CNTNAP2: variants seen among roughly 807,000 people sequenced by gnomAD.
The protein encoded by CNTNAP2 is contactin-associated protein-like 2.
In CNTNAP2, 98 loss-of-function variants were observed where a neutral mutation model predicts 155.2. That is an observed-to-expected ratio of 0.63 (90% CI 0.54 to 0.75). The LOEUF is 0.75. Among genes scored for constraint, CNTNAP2 ranks in the 30% least tolerant of loss-of-function variants. CNTNAP2 has a pLI of 0.00. For synonymous variants in CNTNAP2, 651 were observed against 631.2 expected, an observed-to-expected ratio of 1.03 and a Z score of -0.47; for missense variants, 1,727 against 1,688.1, an observed-to-expected ratio of 1.02 and a Z score of -0.40.
intron 5 of CNTNAP2, among the ~76,000 whole-genome samples, chr7:147,113,223 A>G (rs545216863): frequency 3.6e-4 from 55 of 152,100 alleles, no homozygotes; most frequent in Non-Finnish European, 6.2e-4. Flanking sequence ...TATAAAAATA[A>G]TAGAGAAATA....
intron 11 of CNTNAP2, among the ~76,000 whole-genome samples, chr7:147,492,275 C>T (rs975997989): frequency 1.3e-5 from 2 of 152,166 alleles, no homozygotes; most frequent in African/African-American, 4.8e-5. Context: ...GAATCTATTG[C>T]TGCCGCTGAT....
intron 3 of CNTNAP2, among the ~76,000 whole-genome samples, chr7:146,976,185 C>T (rs760615843): frequency 1.3e-5 from 2 of 152,198 alleles, no homozygotes; most frequent in Non-Finnish European, 2.9e-5. Context: ...AAACTGTTTT[C>T]CTGCTTCTCT....
intron 1 of CNTNAP2, among the ~76,000 whole-genome samples, chr7:146,474,880 G>T (rs747525603): frequency 3.3e-5 from 5 of 152,094 alleles, no homozygotes; most frequent in Non-Finnish European, 5.9e-5. Flanking sequence ...TAACCAGAGG[G>T]CCAGGTTTAA....
chr7:148,323,294 CTTTTTTTT>C (rs60109355), intron 21 of CNTNAP2, among the ~76,000 whole-genome samples: 4 of 49,466 alleles, frequency 8.1e-5, no homozygotes, highest in African/African-American at 3.5e-4. Flanking sequence ...TTATGGATTT[CTTTTTTTT>C]TTTTTTTTTT....
At chr7:147,016,898 C>A (rs962745789) in intron 3 of CNTNAP2, among the ~76,000 whole-genome samples, 2 of 151,816 alleles carry the variant, frequency 1.3e-5, no homozygotes, top group African/African-American at 4.8e-5. Flanking sequence ...TGTGATTCCA[C>A]AGAGAAAAAT....
At chr7:147,180,779 A>C (rs1471274489) in intron 8 of CNTNAP2, among the ~76,000 whole-genome samples, 1 of 152,210 alleles carries the variant, frequency 6.6e-6, no homozygotes, top group African/African-American at 2.4e-5. Flanking sequence ...GTACTGATTG[A>C]AATGACAATC....
At chr7:146,138,530 G>A (rs1049512168) in intron 1 of CNTNAP2, among the ~76,000 whole-genome samples, 3 of 152,108 alleles carry the variant, frequency 2.0e-5, no homozygotes, top group African/African-American at 7.2e-5. Context: ...TCATTCACAA[G>A]TATTAGGGAC....
At chr7:146,731,757 A>G (rs987554354) in intron 1 of CNTNAP2, among the ~76,000 whole-genome samples, 5 of 152,188 alleles carry the variant, frequency 3.3e-5, no homozygotes, top group Admixed American at 3.3e-4. Flanking sequence ...TCTTTAACAC[A>G]TTCCAAAATT....
At chr7:148,387,005 A>C (rs1295974404) in intron 22 of CNTNAP2, among the ~76,000 whole-genome samples, 1 of 152,194 alleles carries the variant, frequency 6.6e-6, no homozygotes, top group African/African-American at 2.4e-5. Context: ...TCTGTATCTC[A>C]TTCATGGCCA....
chr7:148,203,738 CA>C lies in CNTNAP2; in HGVS notation c.3011-13542del, dbSNP rs143283384. 3.3e-5 allele frequency among the ~76,000 whole-genome samples: 5 copies of C among 149,954 alleles called. No homozygotes were observed. The East Asian group carries it at 9.8e-4, about 29-fold the overall frequency. ...TGGGTGGCCCAGCGAGAGTACATCT[CA>C]AAAAAAAGAAAAAGAAAGAAAAGAA... On this transcript the variant is annotated intron_variant, in intron 18 of 23. Coordinates refer to ENST00000361727, the MANE Select transcript of CNTNAP2 (RefSeq NM_014141.6).
intron 8 of CNTNAP2, among the ~76,000 whole-genome samples, chr7:147,261,440 C>T (rs570302997): frequency 2.0e-5 from 3 of 152,172 alleles, no homozygotes; most frequent in African/African-American, 7.2e-5. Flanking sequence ...TGTTGCATTT[C>T]TAAATAGCTC....
At chr7:147,555,486 A>G (rs1799935737) in intron 11 of CNTNAP2, among the ~76,000 whole-genome samples, 1 of 152,234 alleles carries the variant, frequency 6.6e-6, no homozygotes, top group African/African-American at 2.4e-5. Flanking sequence ...GAGGGCATTC[A>G]TAAGCGATTG....
intron 14 of CNTNAP2, among the ~76,000 whole-genome samples, chr7:147,962,428 AACTATTTCCTGTT>A (rs1801132224): frequency 6.6e-6 from 1 of 152,164 alleles, no homozygotes; most frequent in African/African-American, 2.4e-5. Context: ...CCCTGTCTTG[AACTATTTCCTGTT>A]ATAGATGGAA....
intron 2 of CNTNAP2, among the ~76,000 whole-genome samples, chr7:146,832,672 T>A (rs1199016312): frequency 6.7e-6 from 1 of 149,206 alleles, no homozygotes; most frequent in Non-Finnish European, 1.5e-5. Flanking sequence ...AATATGTACG[T>A]GTGTGTGTAT....
intron 3 of CNTNAP2, among the ~76,000 whole-genome samples, chr7:147,028,645 A>C (rs1340894152): frequency 6.6e-6 from 1 of 152,210 alleles, no homozygotes; most frequent in Non-Finnish European, 1.5e-5. Context: ...ACACTTTATT[A>C]ATCCGTTTGT....
chr7:148,052,817 T>C (rs1003194601), intron 15 of CNTNAP2, among the ~76,000 whole-genome samples: 2 of 152,190 alleles, frequency 1.3e-5, no homozygotes, highest in East Asian at 3.8e-4. Flanking sequence ...GAGGCCAAGG[T>C]GAGCGGATTA....
chr7:146,903,430 T>C (rs1796047566), intron 3 of CNTNAP2, among the ~76,000 whole-genome samples: 1 of 152,192 alleles, frequency 6.6e-6, no homozygotes, highest in African/African-American at 2.4e-5. Flanking sequence ...ACTTAATATG[T>C]TAAAAACCAA....
intron 14 of CNTNAP2, among the ~76,000 whole-genome samples, chr7:147,964,521 A>G (rs779605128): frequency 6.6e-6 from 1 of 152,158 alleles, no homozygotes; most frequent in Non-Finnish European, 1.5e-5. Context: ...CTGGATCCTC[A>G]CAGGAGAAAA....
chr7:147,834,078 T>G (rs1212328153), intron 13 of CNTNAP2, among the ~76,000 whole-genome samples: 2 of 152,202 alleles, frequency 1.3e-5, no homozygotes, highest in Non-Finnish European at 2.9e-5. Context: ...CAATATAATC[T>G]ATAAATCAAG....
Sources: allele counts gnomAD v4.1 joint callset (sites outside exome capture counted in the v4.1 genomes callset), GRCh38; gene constraint gnomAD v4.1.1; transcripts MANE v1.5; gene names NCBI Gene and HGNC (gene_info 2026-07-23, HGNC 2026-07-21).